The following ZNF540 variants were observed in gnomAD, a reference collection of about 807,000 sequenced individuals.
ZNF540 encodes the protein CTD-3064H18.6.
ZNF540 carries 3 observed loss-of-function variants against 11.8 expected under a neutral mutation model. The observed-to-expected ratio is 0.25, with a 90% CI of 0.12 to 0.65. The LOEUF (loss-of-function observed/expected upper bound fraction) is 0.65, where lower values mean the gene tolerates loss of function less well. Among genes scored for constraint, ZNF540 ranks in the 30% least tolerant of loss-of-function variants. ZNF540 has a pLI of 0.83. For missense variants in ZNF540, 709 were observed against 793.1 expected, an observed-to-expected ratio of 0.89 and a Z score of 1.27; for synonymous variants, 247 against 259.0, an observed-to-expected ratio of 0.95 and a Z score of 0.45.
intron 1 of ZNF540, among the ~76,000 whole-genome samples, chr19:37,571,784 A>C (rs189503979): frequency 6.6e-6 from 1 of 152,186 alleles, no homozygotes; most frequent in African/African-American, 2.4e-5. Context: ...AAACATGATA[A>C]GTATGGGCTA....
intron 1 of ZNF540, among the ~76,000 whole-genome samples, chr19:37,578,789 C>A (rs1300456497): frequency 6.6e-6 from 1 of 152,236 alleles, no homozygotes; most frequent in Non-Finnish European, 1.5e-5. Context: ...TAAGGCTCTT[C>A]CAGCGCAGCA....
Position 37,612,566 on chromosome 19 carries a change from A to G in ZNF540, c.1286A>G (p.His429Arg), listed in dbSNP as rs1783341029. 1.9e-6 allele frequency: 3 copies of G among 1,614,148 alleles called. No homozygotes were observed. Among genetic ancestry groups the G allele is most frequent in the Admixed American group, 1.7e-5 (1 of 60,016 alleles). ...AGTTATAGTGGTGACCTCAGAGTACATTCTAGAATTCATACTGGAGAGAAA... is the reference window on the plus strand; with the variant it reads ...AGTTATAGTGGTGACCTCAGAGTACGTTCTAGAATTCATACTGGAGAGAAA... ...AFSYSGDLRV[H>R]SRIHTGEKPY... Residue 429 changes from histidine (H) to arginine (R), a missense_variant, in exon 5 of 5, where the codon CAT becomes CGT. Transcript: ENST00000316433.
At chr19:37,562,778 T>G (rs2042732419) in intron 1 of ZNF540, 1 of 152,240 alleles carries the variant, frequency 6.6e-6, no homozygotes, top group African/African-American at 2.4e-5. Context: ...TATCTGTTCC[T>G]TAAAGCATAG....
At chr19:37,595,203 T>C (rs2147222022) in intron 1 of ZNF540, 108 bp downstream of exon 1, 1 of 152,068 alleles carries the variant, frequency 6.6e-6, no homozygotes, top group Non-Finnish European at 1.5e-5. Context: ...TGCGGCCATG[T>C]GTGTGTGTGT....
At position 37,599,655 on chromosome 19, in the gene ZNF540, A is replaced by T. The variant is rs1407846580; in HGVS notation, c.39A>T (p.Ile13=). ...TGGTGACGTTCAGGGATGTGGCTAT[A>T]GACTTCTCTCAGAAGGAATGGGAGT... is the stretch of plus-strand genomic sequence containing the variant. ...HALVTFRDVA[I]DFSQKEWECL... The change falls in exon 3 of 5, where the codon ATA becomes ATT. Residue 13 remains isoleucine (I), a synonymous_variant. Transcript: ENST00000316433. The T allele has an allele frequency of 1.2e-6, 2 of 1,613,976 alleles. No homozygotes were observed. The highest frequency in any genetic ancestry group is 3.3e-5 in the Admixed American group (2 of 60,010).
chr19:37,555,258 G>C (rs2042647208), intron 1 of ZNF540: 1 of 152,486 alleles, frequency 6.6e-6, no homozygotes, highest in South Asian at 2.1e-4. Flanking sequence ...AAAAGGGAGA[G>C]TCTAAAAACA....
At chr19:37,567,850 C>G (rs937128474) in intron 1 of ZNF540, 1 of 152,174 alleles carries the variant, frequency 6.6e-6, no homozygotes, top group Non-Finnish European at 1.5e-5. Context: ...TCCTCAAGCT[C>G]TACATGTGTA....
intron 1 of ZNF540, among the ~76,000 whole-genome samples, chr19:37,578,533 CTG>C (rs2043326397): frequency 6.6e-6 from 1 of 152,214 alleles, no homozygotes; most frequent in African/African-American, 2.4e-5. Context: ...CCCCGGATCC[CTG>C]AGCAGCTTGG....
intron 4 of ZNF540, among the ~76,000 whole-genome samples, chr19:37,605,456 T>A (rs2044077743): frequency 6.6e-6 from 1 of 152,192 alleles, no homozygotes; most frequent in Non-Finnish European, 1.5e-5. Flanking sequence ...GAGACCAGCC[T>A]GACCAACATG....
chr19:37,570,393 T>C (rs1340187863), intron 1 of ZNF540, among the ~76,000 whole-genome samples: 1 of 152,106 alleles, frequency 6.6e-6, no homozygotes, highest in African/African-American at 2.4e-5. Context: ...TTTTCCTTCA[T>C]GTCTTTCCCT....
intron 1 of ZNF540, chr19:37,597,314 G>A (rs2044003994): frequency 6.6e-6 from 1 of 152,146 alleles, no homozygotes; most frequent in African/African-American, 2.4e-5. Context: ...TGAGGATTGT[G>A]GGAGTTCCAG....
chr19:37,554,222 A>G (rs1374574039), intron 1 of ZNF540, among the ~76,000 whole-genome samples: 4 of 83,692 alleles, frequency 4.8e-5, no homozygotes, highest in African/African-American at 1.3e-4. Context: ...TTTAGCTTCT[A>G]CTTATAAGTG....
chr19:37,586,950 T>TA (rs1446327904), intron 1 of ZNF540: 6 of 444,010 alleles, frequency 1.4e-5, no homozygotes, highest in Non-Finnish European at 2.0e-5. Context: ...TAGGTGCTGT[T>TA]ACTTTCCCAT....
chr19:37,564,678 T>TA (rs775767215), intron 1 of ZNF540: 6 of 1,613,422 alleles, frequency 3.7e-6, no homozygotes, highest in Non-Finnish European at 4.2e-6. Context: ...GTATAGGGTT[T>TA]CTCACCAGTA....
chr19:37,563,740 TACACATGTGGAATATATTCCACATAC>T (rs1568337276), intron 1 of ZNF540: 1 of 151,236 alleles, frequency 6.6e-6, no homozygotes, highest in Non-Finnish European at 1.5e-5. Context: ...GTGGAATATA[TACACATGTGGAATATATTCCACATAC>T]ACACATGTGG....
intron 1 of ZNF540, among the ~76,000 whole-genome samples, chr19:37,553,810 A>T (rs978370896): frequency 6.6e-6 from 1 of 152,176 alleles, no homozygotes; most frequent in Non-Finnish European, 1.5e-5. Context: ...TGCCACAAAT[A>T]TTACCATCCC....
rs1647093188 is a variant in ZNF540 at position 37,556,200 on chromosome 19, T to C, written c.-73+4535T>C. ...ACATAAATCAACTGCAAAGGAGACT[T>C]CCTTGGAGGTACTGGCCCTCCAAGT... On this transcript the variant is annotated intron_variant, in intron 1 of 4. Coordinates refer to the ZNF540 transcript ENST00000592533. 4.4e-6 allele frequency: 3 copies of C among 676,812 alleles called. 1 individual carries two copies. The highest frequency in any genetic ancestry group is 8.1e-6 in the Non-Finnish European group (3 of 370,782). 41.9% of individuals were successfully genotyped at this position (676,812 alleles called of 1,614,324 possible). A position where few individuals can be genotyped will look rare whatever the true frequency, so the allele number is the denominator to read the frequency against.
At chr19:37,586,767 C>T (rs373421619) in intron 1 of ZNF540, 3 of 1,364,166 alleles carry the variant, frequency 2.2e-6, no homozygotes, top group African/African-American at 2.9e-5. Flanking sequence ...AAAGAAGCCA[C>T]AAGATTAGAC....
rs989470891 is a variant in ZNF540 at position 37,569,989 on chromosome 19, T to G, written c.-73+18324T>G. ...CTGCAGTCTACAAGGAAAGCCTCCA[T>G]AGCTGTGGTAAGACCTCCACATTCT... On this transcript the variant is annotated intron_variant, in intron 1 of 4. Coordinates refer to the ZNF540 transcript ENST00000592533. This position sits in a 1 kb window ranked among gnomAD's most constrained non-coding sequence, Gnocchi z 4.4. 6.6e-6 allele frequency: 1 copy of G among 152,230 alleles called. No individual in the cohort carries two copies. Among genetic ancestry groups the G allele is most frequent in the Non-Finnish European group, 1.5e-5 (1 of 68,056 alleles). 9.4% of individuals were successfully genotyped at this position (152,230 alleles called of 1,614,324 possible).
Sources: allele counts gnomAD v4.1 joint callset (sites outside exome capture counted in the v4.1 genomes callset), GRCh38; gene constraint gnomAD v4.1.1; non-coding constraint Gnocchi (gnomAD v3.1); transcripts MANE v1.5; gene names NCBI Gene and HGNC (gene_info 2026-07-23, HGNC 2026-07-21).